The following SLIT1 variants were observed in gnomAD, a reference collection of about 807,000 sequenced individuals.
SLIT1 encodes slit homolog 1 protein.
In SLIT1, 66 loss-of-function variants were observed where a neutral mutation model predicts 186.1. That is an observed-to-expected ratio of 0.35 (90% confidence interval 0.29 to 0.44). The LOEUF is 0.44. Among genes scored for constraint, SLIT1 ranks in the 20% least tolerant of loss-of-function variants. The pLI is 1.00. For synonymous variants in SLIT1, 761 were observed against 833.8 expected, an observed-to-expected ratio of 0.91 and a Z score of 1.50; for missense variants, 1,638 against 2,037.4, an observed-to-expected ratio of 0.80 and a Z score of 3.77.
rs371803322 is a variant in SLIT1, at chr10:97,066,004, C to A, written c.485+11G>T. 2 of 1,593,242 alleles carry A rather than the reference C, an allele frequency of 1.3e-6. No homozygotes were observed. The highest frequency in any genetic ancestry group is 3.4e-5 in the Admixed American group (2 of 58,382). ...CCCCCACACCCTTCTCCCTCCCAGG[C>A]CTGTACTCACAAATTTTTAAGGTCC... On this transcript the variant is annotated intron_variant, in intron 5 of 36. Coordinates refer to ENST00000266058, the MANE Select transcript of SLIT1 (RefSeq NM_003061.3).
chr10:97,011,114 C>A lies in SLIT1; in HGVS notation c.3220G>T (p.Gly1074Cys). 1 of 1,613,466 alleles carries A rather than the reference C, an allele frequency of 6.2e-7. No individual in the cohort carries two copies. Among genetic ancestry groups the A allele is most frequent in the Non-Finnish European group, 8.5e-7 (1 of 1,179,450 alleles). Residue 1074 changes from glycine (G) to cysteine (C), a missense_variant, in exon 31 of 37, where the codon GGT becomes TGT. This residue lies in a region of SLIT1 where 1,245 missense variants were observed against 1,535.3 expected (regional missense o/e 0.81). Transcript: ENST00000266058. ...TCACTGCAGTTGTCACCTGCATAAC[C>A]TGGCATGCACTCACACCTAGTGGGT... ...PDGPRCECMP[G>C]YAGDNCSENQ...
chr10:97,032,555 C>T (rs1160278001), intron 23 of SLIT1, among the ~76,000 whole-genome samples: 7 of 148,056 alleles, frequency 4.7e-5, no homozygotes, highest in South Asian at 2.1e-4. Flanking sequence ...GGCGACAGAG[C>T]GAGACTCCCC....
At chr10:97,076,913 C>G (rs1849051257) in intron 4 of SLIT1, among the ~76,000 whole-genome samples, 1 of 152,214 alleles carries the variant, frequency 6.6e-6, no homozygotes, top group Admixed American at 6.5e-5. Flanking sequence ...GGGAGTGGGT[C>G]CCGCCTGCCA....
At chr10:97,112,326 A>C (rs1849472864) in intron 4 of SLIT1, among the ~76,000 whole-genome samples, 1 of 152,114 alleles carries the variant, frequency 6.6e-6, no homozygotes, top group Non-Finnish European at 1.5e-5. Flanking sequence ...CCTCAGCACC[A>C]GCTCTCTCTG....
At chr10:97,031,575 T>G in intron 24 of SLIT1, 31 bp downstream of exon 24, 1 of 1,539,160 alleles carries the variant, frequency 6.5e-7, no homozygotes, top group Non-Finnish European at 8.8e-7. Flanking sequence ...GGGGTGGATT[T>G]TCTGGCAGGA....
intron 3 of SLIT1, among the ~76,000 whole-genome samples, chr10:97,161,681 G>C (rs1850028163): frequency 6.6e-6 from 1 of 152,192 alleles, no homozygotes; most frequent in South Asian, 2.1e-4. Context: ...AGGAGGCTGA[G>C]GTAGGAGAAT....
At chr10:97,106,403 T>C (rs12762895) in intron 4 of SLIT1, among the ~76,000 whole-genome samples, 13 of 151,238 alleles carry the variant, frequency 8.6e-5, no homozygotes, top group African/African-American at 2.9e-4. Context: ...AATGAATGAA[T>C]GAACGAATGA....
At chr10:97,162,506 G>A (rs768993855) in intron 3 of SLIT1, among the ~76,000 whole-genome samples, 2 of 152,066 alleles carry the variant, frequency 1.3e-5, no homozygotes, top group Non-Finnish European at 2.9e-5. Context: ...CCAGCTACTC[G>A]GGAGGCTGAG....
chr10:97,066,122 G>T, intron 4 of SLIT1, 36 bp from the exon 5 acceptor site: 1 of 1,520,260 alleles, frequency 6.6e-7, no homozygotes, highest in Non-Finnish European at 9.0e-7. Context: ...GAAAACACCG[G>T]TCAGAAAAGA....
chr10:97,140,302 C>A (rs753979196), intron 4 of SLIT1, among the ~76,000 whole-genome samples: 4 of 152,196 alleles, frequency 2.6e-5, no homozygotes, highest in Non-Finnish European at 4.4e-5. Context: ...GCCCACACTG[C>A]CTCTTTGTTA....
rs75279992 is a variant in SLIT1, at chr10:97,134,091, C to T, written c.413+23727G>A. Among the ~76,000 whole-genome samples the T allele has an allele frequency of 4.7e-3, 715 of 152,276 alleles. 1 individual carries two copies. Among genetic ancestry groups the T allele is most frequent in the Non-Finnish European group, 7.9e-3 (534 of 68,014 alleles). The stretch of plus-strand genomic sequence containing the variant: ...CCTCCCAGCGGGCAGCCCTGAACCT[C>T]GGTCAGATTCCTTGCAGGTCTTCTG... On this transcript the variant is annotated intron_variant, in intron 4 of 36. Transcript: ENST00000266058.
At chr10:97,112,484 G>T (rs956853718) in intron 4 of SLIT1, among the ~76,000 whole-genome samples, 30 of 152,148 alleles carry the variant, frequency 2.0e-4, no homozygotes, top group African/African-American at 6.3e-4. Context: ...CAATGGGCCA[G>T]GACAGATAAT....
At position 96,999,535 on chromosome 10, in the gene SLIT1, C is replaced by T. The variant is rs544236330; in HGVS notation, c.*1577G>A. 3 of 152,484 alleles carry T rather than the reference C, an allele frequency of 2.0e-5. No individual in the cohort carries two copies. Among genetic ancestry groups the T allele is most frequent in the South Asian group, 2.1e-4 (1 of 4,832 alleles). 9.4% of individuals were successfully genotyped at this position (152,484 alleles called of 1,614,324 possible). A position where few individuals can be genotyped will look rare whatever the true frequency, so the allele number is the denominator to read the frequency against. ...GGGAGCCAGGGCAGGGACATGCTCACCCCCGTTGCCCACCAGAACCCCCGG... is the reference window on the plus strand; with the variant it reads ...GGGAGCCAGGGCAGGGACATGCTCATCCCCGTTGCCCACCAGAACCCCCGG... On this transcript the variant is annotated 3_prime_UTR_variant, in exon 37 of 37. Coordinates refer to ENST00000266058, the MANE Select transcript of SLIT1 (RefSeq NM_003061.3).
At chr10:97,063,692 A>G in intron 7 of SLIT1, 74 bp from the exon 8 acceptor site, 1 of 1,453,810 alleles carries the variant, frequency 6.9e-7, no homozygotes, top group East Asian at 2.4e-5. Flanking sequence ...CCCCAATCTC[A>G]GGCAGGAGGC....
intron 25 of SLIT1, among the ~76,000 whole-genome samples, chr10:97,027,241 A>T (rs950812560): frequency 6.6e-6 from 1 of 152,208 alleles, no homozygotes; most frequent in Non-Finnish European, 1.5e-5. Context: ...TAGTGGGTCT[A>T]TGTCATCCTT....
chr10:97,118,255 G>T (rs531434641), intron 4 of SLIT1, among the ~76,000 whole-genome samples: 5 of 152,320 alleles, frequency 3.3e-5, no homozygotes, highest in African/African-American at 1.2e-4. Context: ...GACACGAGCA[G>T]CCCGAGGTCA....
chr10:97,139,775 G>A (rs939078751), intron 4 of SLIT1, among the ~76,000 whole-genome samples: 2 of 152,178 alleles, frequency 1.3e-5, no homozygotes, highest in Admixed American at 1.3e-4. Flanking sequence ...CTATCTTTGG[G>A]TCCCCTACAA....
chr10:97,110,176 C>A (rs922575802), intron 4 of SLIT1, among the ~76,000 whole-genome samples: 1 of 152,296 alleles, frequency 6.6e-6, no homozygotes, highest in South Asian at 2.1e-4. Flanking sequence ...GGCTTGAAAC[C>A]ATATAGAGGT....
At chr10:97,153,608 C>T (rs946804189) in intron 4 of SLIT1, 13 of 152,202 alleles carry the variant, frequency 8.5e-5, no homozygotes, top group African/African-American at 2.4e-4. Context: ...GCTGCACCAG[C>T]GGATCCCACA....
Sources: allele counts gnomAD v4.1 joint callset (sites outside exome capture counted in the v4.1 genomes callset), GRCh38; gene constraint gnomAD v4.1.1; regional missense constraint gnomAD v4.1.1; transcripts MANE v1.5; gene names NCBI Gene and HGNC (gene_info 2026-07-23, HGNC 2026-07-21).